Variants in NTM observed in about 807,000 individuals in gnomAD.
NTM encodes neurotrimin.
In NTM, 13 loss-of-function variants were observed where a neutral mutation model predicts 42.1. The ratio of observed to expected loss-of-function variants is 0.31; its 90% CI spans 0.20 to 0.49. The LOEUF (loss-of-function observed/expected upper bound fraction) is 0.49, where lower values mean the gene tolerates loss of function less well. Ranked by LOEUF, NTM falls within the 20% of genes least tolerant of loss-of-function variation. NTM has a pLI of 0.99. For missense variants in NTM, 373 were observed against 452.8 expected (o/e 0.82, Z 1.60); for synonymous variants, 187 against 179.2 (o/e 1.04, Z -0.35).
chr11:131,497,211 C>T (rs1955440266), intron 1 of NTM, among the ~76,000 whole-genome samples: 1 of 152,164 alleles, frequency 6.6e-6, no homozygotes, highest in African/African-American at 2.4e-5. Context: ...TTTTTCAAGA[C>T]CGAGTCTTGC....
chr11:132,237,464 C>T (rs1377874078), intron 4 of NTM, among the ~76,000 whole-genome samples: 2 of 152,166 alleles, frequency 1.3e-5, no homozygotes, highest in Admixed American at 6.5e-5. Context: ...TAGCTCTTTA[C>T]TCTCTCAGCC....
chr11:131,738,261 G>A (rs1296684782), intron 1 of NTM, among the ~76,000 whole-genome samples: 4 of 152,190 alleles, frequency 2.6e-5, no homozygotes, highest in South Asian at 2.1e-4. Flanking sequence ...CACAGTGTGG[G>A]GGTGAATGGC....
At position 131,789,410 on chromosome 11, in the gene NTM, T is replaced by A. The variant is rs1249215679; in HGVS notation, c.83-122154T>A. 5.2e-4 allele frequency among the ~76,000 whole-genome samples: 38 copies of A among 73,510 alleles called. 1 individual carries two copies. The highest frequency in any genetic ancestry group is 2.2e-3 in the African/African-American group (36 of 16,718). The allele number at this position is 73,510 out of a possible 152,430, so 48.2% of individuals were successfully genotyped here. A position where few individuals can be genotyped will look rare whatever the true frequency, so the allele number is the denominator to read the frequency against. On this transcript the variant is annotated intron_variant, in intron 1 of 8. Coordinates refer to ENST00000683400, the MANE Select transcript of NTM (RefSeq NM_001352005.2). ...GGGAGCTCAGAAGTATTGCTGCAGT[T>A]AAAAGAAAAAAAGAAGAAGGAAGAA...
chr11:131,534,080 T>C (rs2051738955), intron 1 of NTM: 1 of 152,322 alleles, frequency 6.6e-6, no homozygotes, highest in Admixed American at 6.5e-5. Context: ...CATTCGTGAA[T>C]TCAGCATTCA....
intron 1 of NTM, among the ~76,000 whole-genome samples, chr11:131,749,195 G>A (rs1247788025): frequency 3.3e-5 from 5 of 152,220 alleles, no homozygotes; most frequent in Admixed American, 6.5e-5. Flanking sequence ...GTGATCAGGA[G>A]TGTGGCAGTA....
At chr11:131,590,280 G>A (rs979142168) in intron 1 of NTM, among the ~76,000 whole-genome samples, 1 of 152,186 alleles carries the variant, frequency 6.6e-6, no homozygotes, top group South Asian at 2.1e-4. Flanking sequence ...TTCCCATGGT[G>A]GGGGAGCAGG....
intron 1 of NTM, among the ~76,000 whole-genome samples, chr11:131,642,125 G>A (rs1389804562): frequency 1.3e-5 from 2 of 152,160 alleles, no homozygotes; most frequent in Non-Finnish European, 2.9e-5. Flanking sequence ...TTGTTTAGGA[G>A]GGCCATTTCC....
chr11:131,892,449 G>A (rs1046845243), intron 1 of NTM, among the ~76,000 whole-genome samples: 1 of 152,242 alleles, frequency 6.6e-6, no homozygotes, highest in Non-Finnish European at 1.5e-5. Context: ...CCTCTCAGCT[G>A]TGTGTAATTT....
chr11:131,805,987 T>G (rs1429956379), intron 1 of NTM, among the ~76,000 whole-genome samples: 1 of 152,260 alleles, frequency 6.6e-6, no homozygotes, highest in East Asian at 1.9e-4. Context: ...CATGATAACA[T>G]ATTTTCTATG....
chr11:132,046,791 G>T (rs1241078271), intron 2 of NTM, among the ~76,000 whole-genome samples: 1 of 152,114 alleles, frequency 6.6e-6, no homozygotes, highest in African/African-American at 2.4e-5. Flanking sequence ...CTGAGCACTG[G>T]CTTTATCTAT....
At chr11:132,060,244 G>A (rs1480108783) in intron 2 of NTM, among the ~76,000 whole-genome samples, 1 of 152,212 alleles carries the variant, frequency 6.6e-6, no homozygotes, top group Non-Finnish European at 1.5e-5. Flanking sequence ...CAACACTTAA[G>A]TGTCTTATTA....
At chr11:131,681,142 TTTCC>T (rs1592520876) in intron 1 of NTM, among the ~76,000 whole-genome samples, 5 of 59,972 alleles carry the variant, frequency 8.3e-5, no homozygotes, top group African/African-American at 8.8e-5. Flanking sequence ...TGTATGTATG[TTTCC>T]CTGTGTGTGT....
chr11:132,022,148 C>G (rs892601102), intron 2 of NTM, among the ~76,000 whole-genome samples: 17 of 152,212 alleles, frequency 1.1e-4, no homozygotes, highest in African/African-American at 3.6e-4. Flanking sequence ...CCTGGAGGAA[C>G]CTCCATGACT....
Position 131,680,973 on chromosome 11 carries a change from G to A in NTM, c.83-230591G>A, listed in dbSNP as rs1357006034. Among the ~76,000 whole-genome samples the A allele has an allele frequency of 5.3e-5, 2 of 38,076 alleles. 1 individual carries two copies. Among genetic ancestry groups the A allele is most frequent in the Non-Finnish European group, 1.3e-4 (2 of 15,692 alleles). 25.0% of individuals were successfully genotyped at this position (38,076 alleles called of 152,430 possible). Reference sequence around the variant, plus strand: ...AGCGTGTGTGTTTCTGTGTCTGTATGTCTCCCTGTGTGTGTGAGCGTGTGT... The same window carrying A: ...AGCGTGTGTGTTTCTGTGTCTGTATATCTCCCTGTGTGTGTGAGCGTGTGT... On this transcript the variant is annotated intron_variant, in intron 1 of 8. Transcript: ENST00000683400.
intron 1 of NTM, among the ~76,000 whole-genome samples, chr11:131,397,147 T>C (rs1944653899): frequency 6.6e-6 from 1 of 152,114 alleles, no homozygotes; most frequent in Non-Finnish European, 1.5e-5. Flanking sequence ...CAAACACAAA[T>C]ATATGAGGAA....
intron 1 of NTM, among the ~76,000 whole-genome samples, chr11:131,873,748 A>G (rs1478602574): frequency 1.4e-5 from 2 of 144,258 alleles, no homozygotes; most frequent in African/African-American, 2.5e-5. Flanking sequence ...CAGCTGATAC[A>G]TATATATCAG....
chr11:131,774,115 A>G, intron 1 of NTM: 1 of 985,254 alleles, frequency 1.0e-6, no homozygotes, highest in African/African-American at 1.7e-5. Context: ...AGCTTACAGT[A>G]CTTAATCATC....
intron 3 of NTM, among the ~76,000 whole-genome samples, chr11:132,197,961 G>A (rs1451214554): frequency 4.6e-5 from 7 of 151,974 alleles, no homozygotes; most frequent in Non-Finnish European, 7.4e-5. Flanking sequence ...GTAAACATAC[G>A]TGTGCATGTG....
At chr11:131,953,473 A>C (rs574688096) in intron 2 of NTM, among the ~76,000 whole-genome samples, 1 of 152,160 alleles carries the variant, frequency 6.6e-6, no homozygotes, top group Non-Finnish European at 1.5e-5. Flanking sequence ...ATACCTACCT[A>C]TGGAGCATGA....
Sources: gnomAD v4.1 joint callset for allele counts (sites outside exome capture counted in the v4.1 genomes callset) on GRCh38, gnomAD v4.1.1 for gene constraint, MANE v1.5 for transcripts, NCBI Gene and HGNC (gene_info 2026-07-23, HGNC 2026-07-21) for gene names.